The following DIP2B variants were observed in gnomAD, a reference collection of about 807,000 sequenced individuals.
DIP2B encodes the protein disco-interacting protein 2 homolog B.
In DIP2B, 76 loss-of-function variants were observed where a neutral mutation model predicts 198.0. The observed-to-expected ratio is 0.38, with a 90% confidence interval of 0.32 to 0.46. The LOEUF (loss-of-function observed/expected upper bound fraction) is 0.46. Among genes scored for constraint, DIP2B ranks in the 20% least tolerant of loss-of-function variants. DIP2B has a pLI of 0.99. For synonymous variants in DIP2B, 701 were observed against 739.1 expected (o/e 0.95, Z 0.84); for missense variants, 1,559 against 1,978.4 (o/e 0.79, Z 4.02).
At chr12:50,641,673 T>C (rs1284088229) in intron 3 of DIP2B, among the ~76,000 whole-genome samples, 1 of 152,168 alleles carries the variant, frequency 6.6e-6, no homozygotes, top group Non-Finnish European at 1.5e-5. Context: ...TGTGCCTGCA[T>C]GGCAGCGGGA....
At chr12:50,528,563 G>A (rs992632606) in intron 1 of DIP2B, among the ~76,000 whole-genome samples, 45 of 152,240 alleles carry the variant, frequency 3.0e-4, no homozygotes, top group African/African-American at 1.0e-3. Context: ...TGTGATTAGT[G>A]AACAGAGTAT....
chr12:50,718,852 C>A, intron 24 of DIP2B, 34 bp downstream of exon 24: 1 of 1,611,512 alleles, frequency 6.2e-7, no homozygotes, highest in South Asian at 1.1e-5. Flanking sequence ...TTCTTACAGT[C>A]AAGTCAAGGA....
At chr12:50,716,527 C>CA (rs1196982048) in intron 23 of DIP2B, among the ~76,000 whole-genome samples, 5 of 150,700 alleles carry the variant, frequency 3.3e-5, no homozygotes, top group Admixed American at 2.6e-4. Flanking sequence ...GACTCTGTCT[C>CA]AAAAAACAAA....
At chr12:50,708,030 G>A (rs934691267) in intron 21 of DIP2B, among the ~76,000 whole-genome samples, 2 of 151,512 alleles carry the variant, frequency 1.3e-5, no homozygotes, top group African/African-American at 2.4e-5. Context: ...CGCGTGGCTC[G>A]CGTCCTCACC....
intron 23 of DIP2B, among the ~76,000 whole-genome samples, chr12:50,715,778 TAAAGA>T (rs2139578581): frequency 6.6e-6 from 1 of 152,352 alleles, no homozygotes; most frequent in Non-Finnish European, 1.5e-5. Flanking sequence ...CCTCCCACAC[TAAAGA>T]ATATAGTCTT....
Position 50,678,743 on chromosome 12 carries a change from G to T in DIP2B, c.981G>T (p.Glu327Asp). The change falls in exon 8 of 38, where the codon GAG becomes GAT. Residue 327 changes from glutamate (E) to aspartate (D), a missense_variant. Transcript: ENST00000301180. ...GGCAGATGACCCCTGTGAAAGGAGA[G>T]CCTTTAGGAGTCATCTGTAACTGGC... ...EGRQMTPVKG[E>D]PLGVICNWPP... 1 of 1,614,184 alleles carries T rather than the reference G, an allele frequency of 6.2e-7. No individual in the cohort carries two copies. The highest frequency in any genetic ancestry group is 1.3e-5 in the African/African-American group (1 of 75,040).
chr12:50,588,395 C>CT (rs1958788923), intron 1 of DIP2B, among the ~76,000 whole-genome samples: 1 of 152,102 alleles, frequency 6.6e-6, no homozygotes, highest in Non-Finnish European at 1.5e-5. Context: ...GGTGATCCCC[C>CT]TGCCTCAGCC....
chr12:50,507,914 CT>C (rs5798141), intron 1 of DIP2B, among the ~76,000 whole-genome samples: 38,262 of 148,454 alleles, frequency 0.26, 5,852 homozygotes, highest in Non-Finnish European at 0.35. Flanking sequence ...TTCTTTCTCT[CT>C]TTTTTTTTTT....
intron 4 of DIP2B, among the ~76,000 whole-genome samples, chr12:50,665,155 A>G (rs1457874619): frequency 1.3e-5 from 2 of 152,154 alleles, no homozygotes; most frequent in Non-Finnish European, 2.9e-5. Context: ...ATTTCTATAT[A>G]TGAAAATGAT....
chr12:50,714,663 TG>T, intron 23 of DIP2B, 67 bp downstream of exon 23: 2 of 1,572,960 alleles, frequency 1.3e-6, no homozygotes, highest in Non-Finnish European at 1.7e-6. Context: ...TCTCTCAGTG[TG>T]ATTCTTTCTC....
In DIP2B at chr12:50,578,993, G is replaced by A. The variant is rs146947203; in HGVS notation, c.101-46983G>A. 8.0e-4 allele frequency among the ~76,000 whole-genome samples: 122 copies of A among 152,270 alleles called. 2 individuals are homozygous for A. Among genetic ancestry groups the A allele is most frequent in the African/African-American group, 2.7e-3 (114 of 41,560 alleles). Reference sequence around the variant, plus strand: ...GCTGGAAACAGCACAAATCAAGGTAGTGGCAACCTAGTCCATGCACTCACG... The same window carrying A: ...GCTGGAAACAGCACAAATCAAGGTAATGGCAACCTAGTCCATGCACTCACG... On this transcript the variant is annotated intron_variant, in intron 1 of 37. Coordinates refer to ENST00000301180, the MANE Select transcript of DIP2B (RefSeq NM_173602.3).
At chr12:50,637,407 T>G (rs1818819856) in intron 2 of DIP2B, among the ~76,000 whole-genome samples, 1 of 152,212 alleles carries the variant, frequency 6.6e-6, no homozygotes, top group Non-Finnish European at 1.5e-5. Context: ...TTGCCAAGGC[T>G]TTTCTCCCTC....
At chr12:50,653,346 C>CTTTT (rs34185073) in intron 3 of DIP2B, among the ~76,000 whole-genome samples, 39 of 76,636 alleles carry the variant, frequency 5.1e-4, no homozygotes, top group East Asian at 1.1e-3. Flanking sequence ...TTTTTCTTTT[C>CTTTT]TTTTTTTTTT....
At chr12:50,577,340 G>A (rs1301669073) in intron 1 of DIP2B, among the ~76,000 whole-genome samples, 1 of 151,870 alleles carries the variant, frequency 6.6e-6, no homozygotes, top group African/African-American at 2.4e-5. Flanking sequence ...GACCATCCGG[G>A]CTAACACAGT....
At chr12:50,625,851 C>G (rs898816359) in intron 1 of DIP2B, 125 bp from the exon 2 acceptor site, 7 of 90,054 alleles carry the variant, frequency 7.8e-5, no homozygotes, top group Non-Finnish European at 1.9e-4. Context: ...ACCATACATT[C>G]CCCCCCCCAA....
intron 2 of DIP2B, among the ~76,000 whole-genome samples, chr12:50,638,632 A>G (rs12818741): frequency 0.32 from 48,720 of 152,012 alleles, 7,986 homozygotes; most frequent in South Asian, 0.39. Flanking sequence ...AGGAATCTGT[A>G]TTTTAGCACC....
At chr12:50,708,238 G>T (rs971004047) in intron 21 of DIP2B, among the ~76,000 whole-genome samples, 1 of 152,142 alleles carries the variant, frequency 6.6e-6, no homozygotes, top group African/African-American at 2.4e-5. Context: ...TTACCACTAT[G>T]TCCCCAACAT....
chr12:50,678,879 G>A lies in DIP2B; in HGVS notation c.1114+3G>A. On this transcript the variant is annotated splice_donor_region_variant and intron_variant, in intron 8 of 37. Transcript: ENST00000301180. ...ACCAGTTTACACTCTTACATATGGT[G>A]AGTCTGCAAGATTCCAGATCCTTCT... 1.9e-6 allele frequency: 3 copies of A among 1,614,160 alleles called. No individual in the cohort carries two copies. The highest frequency in any genetic ancestry group is 2.5e-6 in the Non-Finnish European group (3 of 1,180,002).
At chr12:50,556,377 C>G (rs1201187201) in intron 1 of DIP2B, among the ~76,000 whole-genome samples, 1 of 152,066 alleles carries the variant, frequency 6.6e-6, no homozygotes, top group Non-Finnish European at 1.5e-5. Flanking sequence ...GCCCGGCCGA[C>G]TCCTCATCTT....
Sources: gnomAD v4.1 joint callset for allele counts (sites outside exome capture counted in the v4.1 genomes callset) on GRCh38, gnomAD v4.1.1 for gene constraint, MANE v1.5 for transcripts, NCBI Gene and HGNC (gene_info 2026-07-23, HGNC 2026-07-21) for gene names.